The following TGFBI variants were observed in gnomAD, a reference collection of about 807,000 sequenced individuals.
TGFBI encodes the protein transforming growth factor-beta-induced protein ig-h3.
In TGFBI, 50 loss-of-function variants were observed where a neutral mutation model predicts 73.7. The ratio of observed to expected loss-of-function variants is 0.68; its 90% CI spans 0.54 to 0.86. The LOEUF is 0.86. TGFBI is among the 40% of genes least tolerant of loss of function. The pLI is 0.00. For synonymous variants in TGFBI, 362 were observed against 360.5 expected, an observed-to-expected ratio of 1.00 and a Z score of -0.05; for missense variants, 839 against 877.0, an observed-to-expected ratio of 0.96 and a Z score of 0.55.
In TGFBI at chr5:136,055,793, C is replaced by A; in HGVS notation, c.1524C>A (p.Val508=). The change falls in exon 11 of 17, where the codon GTC becomes GTA. Residue 508 remains valine, a synonymous_variant. Transcript: ENST00000442011. ...CCCCAATGGGGACTGTCATGGATGT[C>A]CTGAAGGGAGACAATCGCTTTAGGT... ...LTPPMGTVMD[V]LKGDNRFSML... is the part of the protein sequence containing the mutation. The A allele has an allele frequency of 6.2e-7, 1 of 1,610,044 alleles. No individual in the cohort carries two copies. The highest frequency in any genetic ancestry group is 8.5e-7 in the Non-Finnish European group (1 of 1,177,054).
At chr5:136,050,448 G>A (rs1460057847) in intron 7 of TGFBI, among the ~76,000 whole-genome samples, 1 of 152,140 alleles carries the variant, frequency 6.6e-6, no homozygotes, top group Non-Finnish European at 1.5e-5. Context: ...TATTGCTGCA[G>A]GAGAGGGAAG....
chr5:136,040,428 A>G lies in TGFBI; in HGVS notation c.234-3630A>G, dbSNP rs1038700597. ...AGATCAGCAGTGGCATTAGATTCTC[A>G]TAGCAGTCCGAATACTATTGTGAAC... On this transcript the variant is annotated intron_variant, in intron 2 of 16. Transcript: ENST00000442011. 2.0e-5 allele frequency among the ~76,000 whole-genome samples: 3 copies of G among 152,170 alleles called. No individual in the cohort carries two copies. In the East Asian group the frequency reaches 5.8e-4, roughly 29 times the overall value.
At chr5:136,051,360 G>A (rs570038597) in intron 7 of TGFBI, among the ~76,000 whole-genome samples, 5 of 152,142 alleles carry the variant, frequency 3.3e-5, no homozygotes, top group Middle Eastern at 3.4e-3. Context: ...AACCTGGGAG[G>A]CAGAAGTTGC....
intron 2 of TGFBI, among the ~76,000 whole-genome samples, chr5:136,037,059 C>T (rs1751238803): frequency 6.6e-6 from 1 of 152,090 alleles, no homozygotes; most frequent in Non-Finnish European, 1.5e-5. Flanking sequence ...TTTGTGAGGC[C>T]CCAGACTCCA....
intron 2 of TGFBI, among the ~76,000 whole-genome samples, chr5:136,038,856 G>C (rs191378742): frequency 6.4e-4 from 97 of 152,274 alleles, no homozygotes; most frequent in Non-Finnish European, 1.3e-3. Flanking sequence ...ACGAGCAATG[G>C]ATTCTTCCCT....
chr5:136,050,550 A>C (rs1236860080), intron 7 of TGFBI, among the ~76,000 whole-genome samples: 1 of 152,038 alleles, frequency 6.6e-6, no homozygotes, highest in Non-Finnish European at 1.5e-5. Context: ...CTACTCCAGG[A>C]CCTCTGAAAG....
At chr5:136,049,395 G>T in intron 6 of TGFBI, 44 bp from the exon 7 acceptor site, 1 of 1,603,500 alleles carries the variant, frequency 6.2e-7, no homozygotes, top group Middle Eastern at 1.7e-4. Context: ...TGTGGGGAGT[G>T]CCAGAGTCTT....
In TGFBI at chr5:136,029,747, G is replaced by A. The variant is rs183247751; in HGVS notation, c.134+558G>A. Among the ~76,000 whole-genome samples, 55 of 152,312 alleles carry A rather than the reference G, an allele frequency of 3.6e-4. 1 individual carries two copies. In the East Asian group the frequency reaches 9.7e-3, roughly 27 times the overall value. ...CTCTGGGTACAGCAAGGGCAATGTGGCACTTCTTGTCCTGCCCGATGAAGA... is the reference window on the plus strand; with the variant it reads ...CTCTGGGTACAGCAAGGGCAATGTGACACTTCTTGTCCTGCCCGATGAAGA... On this transcript the variant is annotated intron_variant, in intron 1 of 16. Coordinates refer to ENST00000442011, the MANE Select transcript of TGFBI (RefSeq NM_000358.3).
At chr5:136,052,808 TGA>T in intron 7 of TGFBI, 97 bp from the exon 8 acceptor site, 1 of 1,206,584 alleles carries the variant, frequency 8.3e-7, no homozygotes, top group Non-Finnish European at 1.2e-6. Context: ...GGTCCTCATC[TGA>T]GAGAACAGGA....
Position 136,054,767 on chromosome 5 carries a change from T to C in TGFBI, c.1316T>C (p.Ile439Thr). ...AHTRNLLRNH[I>T]IKDQLASKYL... ...ACAAGGAATTTGCTTCGGAACCACA[T>C]AATTAAAGACCAGCTGGCCTCTAAG... The change falls in exon 10 of 17, where the codon ATA (isoleucine) becomes ACA (threonine). Residue 439 changes from isoleucine (I) to threonine (T), a missense_variant. By Grantham distance (89) the Ile-to-Thr change is moderately conservative (BLOSUM62 -1). Coordinates refer to ENST00000442011, the MANE Select transcript of TGFBI (RefSeq NM_000358.3). The C allele has an allele frequency of 3.7e-6, 6 of 1,613,934 alleles. No homozygotes were observed. The highest frequency in any genetic ancestry group is 5.1e-6 in the Non-Finnish European group (6 of 1,179,874).
chr5:136,051,553 G>T lies in TGFBI; in HGVS notation c.914-1354G>T, dbSNP rs565771293. On this transcript the variant is annotated intron_variant, in intron 7 of 16. Transcript: ENST00000442011. ...CCTTTTCCTACTCACTAACCAGCTG[G>T]TTCAGAGCAAGGACACTCTGTTTGG... 3.7e-4 allele frequency among the ~76,000 whole-genome samples: 57 copies of T among 152,320 alleles called. No individual in the cohort carries two copies. In the South Asian group the frequency reaches 0.012, roughly 31 times the overall value.
At position 136,046,380 on chromosome 5, in the gene TGFBI, C is replaced by T; in HGVS notation, c.344C>T (p.Ser115Phe). The T allele has an allele frequency of 6.2e-7, 1 of 1,613,940 alleles. No homozygotes were observed. Among genetic ancestry groups the T allele is most frequent in the Non-Finnish European group, 8.5e-7 (1 of 1,179,886 alleles). ...TACGAGACCCTGGGAGTCGTTGGAT[C>T]CACCACCACTCAGCTGTACACGGAC... is the stretch of plus-strand genomic sequence containing the variant. The part of the protein sequence containing the change: ...NLYETLGVVG[S>F]TTTQLYTDRT... Residue 115 changes from serine to phenylalanine, a missense_variant, in exon 4 of 17, where the codon TCC becomes TTC. By Grantham distance (155) the Ser-to-Phe change is radical. Coordinates refer to ENST00000442011, the MANE Select transcript of TGFBI (RefSeq NM_000358.3).
chr5:136,055,707 G>A lies in TGFBI; in HGVS notation c.1438G>A (p.Ala480Thr), dbSNP rs759291013. The change falls in exon 11 of 17, where the codon GCG becomes ACG. Residue 480 changes from alanine to threonine, a missense_variant. Physicochemically the swap from Ala to Thr is moderately conservative, Grantham distance 58. Coordinates refer to ENST00000442011, the MANE Select transcript of TGFBI (RefSeq NM_000358.3). ...CCTCTGCATTGAGAACAGCTGCATCGCGGCCCACGACAAGAGGGGGAGGTA... is the reference window on the plus strand; with the variant it reads ...CCTCTGCATTGAGAACAGCTGCATCACGGCCCACGACAAGAGGGGGAGGTA... ...NSLCIENSCI[A>T]AHDKRGRYGT... is the part of the protein sequence containing the mutation. 65 of 1,609,042 alleles carry A rather than the reference G, an allele frequency of 4.0e-5. No individual in the cohort carries two copies. The highest frequency in any genetic ancestry group is 2.2e-4 in the East Asian group (10 of 44,750).
At chr5:136,047,506 G>T in intron 6 of TGFBI, 86 bp downstream of exon 6, 1 of 1,528,936 alleles carries the variant, frequency 6.5e-7, no homozygotes, top group Admixed American at 1.8e-5. Context: ...TGCAGGAGAG[G>T]TAGAGGATGG....
intron 12 of TGFBI, 128 bp from the exon 13 acceptor site, chr5:136,058,962 C>A: frequency 8.3e-7 from 1 of 1,210,764 alleles, no homozygotes; most frequent in Non-Finnish European, 1.1e-6. Context: ...TTAATAAGTG[C>A]TTATTCCCTG....
intron 10 of TGFBI, 48 bp from the exon 11 acceptor site, chr5:136,055,632 C>G (rs759243812): frequency 6.7e-7 from 1 of 1,499,286 alleles, no homozygotes; most frequent in Admixed American, 1.9e-5. Context: ...GGAGGCCCCT[C>G]GTGGAAGTAT....
At chr5:136,055,926 C>T (rs1751622881) in intron 11 of TGFBI, 110 bp downstream of exon 11, 1 of 1,230,834 alleles carries the variant, frequency 8.1e-7, no homozygotes, top group Non-Finnish European at 1.1e-6. Context: ...ATTCAATTAA[C>T]ACTAGCAGTG....
intron 2 of TGFBI, among the ~76,000 whole-genome samples, chr5:136,039,187 A>T (rs1190553923): frequency 6.6e-6 from 1 of 152,250 alleles, no homozygotes; most frequent in East Asian, 1.9e-4. Context: ...AACAGTAAGC[A>T]TCTGTTAAGT....
At position 136,056,717 on chromosome 5, in the gene TGFBI, G is replaced by A. The variant is rs1166142652; in HGVS notation, c.1600G>A (p.Glu534Lys). 1 of 1,613,836 alleles carries A rather than the reference G, an allele frequency of 6.2e-7. No individual in the cohort carries two copies. The highest frequency in any genetic ancestry group is 8.5e-7 in the Non-Finnish European group (1 of 1,179,876). ...SAGLTETLNR[E>K]GVYTVFAPTN... ...AGGACTGACGGAGACCCTCAACCGG[G>A]AAGGAGTCTACACAGTCTTTGCTCC... The change falls in exon 12 of 17, where the codon GAA becomes AAA. Residue 534 changes from glutamate to lysine, a missense_variant. Glu to Lys is a moderately conservative substitution (Grantham distance 56). Coordinates refer to ENST00000442011, the MANE Select transcript of TGFBI (RefSeq NM_000358.3).
Sources: allele counts gnomAD v4.1 joint callset (sites outside exome capture counted in the v4.1 genomes callset), GRCh38; gene constraint gnomAD v4.1.1; transcripts MANE v1.5; gene names NCBI Gene and HGNC (gene_info 2026-07-23, HGNC 2026-07-21).